ZNF609: variants seen among roughly 807,000 people sequenced by gnomAD.
ZNF609 encodes zinc finger protein 609.
In ZNF609, 11 loss-of-function variants were observed where a neutral mutation model predicts 109.5. The ratio of observed to expected loss-of-function variants is 0.10; its 90% CI spans 0.06 to 0.17. The LOEUF (loss-of-function observed/expected upper bound fraction) is 0.17, where lower values mean the gene tolerates loss of function less well. Ranked by LOEUF, ZNF609 falls within the 10% of genes least tolerant of loss-of-function variation. The pLI, the probability that ZNF609 is intolerant of heterozygous loss-of-function variation, is 1.00. For synonymous variants in ZNF609, 646 were observed against 662.0 expected (o/e 0.98, Z 0.37); for missense variants, 1,559 against 1,772.4 (o/e 0.88, Z 2.16).
intron 2 of ZNF609, chr15:64,528,999 G>C: frequency 6.6e-7 from 1 of 1,508,966 alleles, no homozygotes; most frequent in Non-Finnish European, 9.1e-7. Flanking sequence ...TGAGCTTCCC[G>C]TTCAGCTCAG....
At chr15:64,614,817 T>C (rs1381600995) in intron 2 of ZNF609, among the ~76,000 whole-genome samples, 54 of 140,704 alleles carry the variant, frequency 3.8e-4, no homozygotes, top group African/African-American at 1.4e-3. Flanking sequence ...TCGCTTTTTT[T>C]TTTTTTTTTT....
intron 2 of ZNF609, among the ~76,000 whole-genome samples, chr15:64,508,868 A>AT (rs1893676290): frequency 1.7e-5 from 1 of 58,386 alleles, no homozygotes; most frequent in Non-Finnish European, 6.8e-5. Context: ...CTAATTTTTA[A>AT]ATTTTTTTAG....
chr15:64,547,194 A>T (rs1351730617), intron 2 of ZNF609, among the ~76,000 whole-genome samples: 1 of 152,154 alleles, frequency 6.6e-6, no homozygotes, highest in African/African-American at 2.4e-5. Context: ...GTATGACCTT[A>T]TATCAATGTC....
At chr15:64,535,035 G>A (rs545606490) in intron 2 of ZNF609, among the ~76,000 whole-genome samples, 68 of 149,436 alleles carry the variant, frequency 4.6e-4, no homozygotes, top group East Asian at 2.3e-3. Flanking sequence ...GTGAAACTCC[G>A]TCTCCAAAAA....
At chr15:64,630,098 C>CTTTTTTTTTTT (rs773124227) in intron 3 of ZNF609, among the ~76,000 whole-genome samples, 2 of 136,900 alleles carry the variant, frequency 1.5e-5, no homozygotes, top group African/African-American at 2.7e-5. Flanking sequence ...TTTCTTTTTT[C>CTTTTTTTTTTT]TTTTTTTTTT....
chr15:64,660,507 A>G (rs995214426), intron 3 of ZNF609, among the ~76,000 whole-genome samples: 1 of 152,152 alleles, frequency 6.6e-6, no homozygotes, highest in East Asian at 1.9e-4. Flanking sequence ...TTTTTCTACT[A>G]TAAGAGTTGA....
At chr15:64,583,380 A>C in intron 2 of ZNF609, among the ~76,000 whole-genome samples, 1 of 152,008 alleles carries the variant, frequency 6.6e-6, no homozygotes, top group East Asian at 1.9e-4. Context: ...AAATTTAAAA[A>C]TAAAAATAAA....
chr15:64,610,498 A>C (rs1895699513), intron 2 of ZNF609, among the ~76,000 whole-genome samples: 1 of 152,106 alleles, frequency 6.6e-6, no homozygotes, highest in Non-Finnish European at 1.5e-5. Context: ...CAAAAACAAC[A>C]AATAGCCAAG....
At chr15:64,477,835 G>C (rs977952515) in intron 1 of ZNF609, among the ~76,000 whole-genome samples, 3 of 151,994 alleles carry the variant, frequency 2.0e-5, no homozygotes, top group Admixed American at 6.6e-5. Context: ...TACCATGTTG[G>C]CCAGGCTGGT....
intron 3 of ZNF609, among the ~76,000 whole-genome samples, chr15:64,666,683 T>A (rs1171277991): frequency 1.3e-5 from 2 of 151,884 alleles, no homozygotes; most frequent in Middle Eastern, 3.2e-3. Context: ...AGCTAATTTT[T>A]GTATTTTTAG....
rs1304725927 is a variant in ZNF609, at chr15:64,674,172, C to T, written c.1318C>T (p.Arg440Trp). The T allele has an allele frequency of 1.9e-6, 3 of 1,614,026 alleles. No homozygotes were observed. The highest frequency in any genetic ancestry group is 1.7e-6 in the Non-Finnish European group (2 of 1,180,030). Residue 440 changes from arginine to tryptophan, a missense_variant, in exon 5 of 10, where the codon CGG becomes TGG. Around this residue, in one of 4 missense-constraint regions of ZNF609, gnomAD observed 1,204 missense variants for 1,314.1 expected, o/e 0.92. Transcript: ENST00000326648. ...VKASPSSANK[R>W]KNKPLSDMEL... is the part of the protein sequence containing the mutation. ...GGCCAGCCCTTCCTCAGCTAATAAG[C>T]GGAAAAACAAACCCCTTTCAGACAT... is the stretch of plus-strand genomic sequence containing the variant.
intron 2 of ZNF609, among the ~76,000 whole-genome samples, chr15:64,503,784 C>CAGA (rs983270102): frequency 2.0e-5 from 3 of 152,198 alleles, no homozygotes; most frequent in African/African-American, 7.2e-5. Context: ...CTGCTGCTTT[C>CAGA]AGAATGCTGC....
upstream of ZNF609, among the ~76,000 whole-genome samples, chr15:64,460,351 T>C (rs1251097200): frequency 1.3e-5 from 2 of 152,214 alleles, no homozygotes; most frequent in Non-Finnish European, 2.9e-5. Context: ...TCCAGGTTTC[T>C]TTGAGTTTAT....
At chr15:64,577,855 G>A (rs1050561062) in intron 2 of ZNF609, among the ~76,000 whole-genome samples, 10 of 151,158 alleles carry the variant, frequency 6.6e-5, no homozygotes, top group East Asian at 1.9e-4. Context: ...GCGAAACTCC[G>A]TCTCAAAAAA....
At chr15:64,553,551 T>A (rs1056001919) in intron 2 of ZNF609, among the ~76,000 whole-genome samples, 24 of 151,264 alleles carry the variant, frequency 1.6e-4, no homozygotes, top group South Asian at 6.2e-4. Context: ...AATAATTTTT[T>A]AATTTTAATT....
intron 2 of ZNF609, among the ~76,000 whole-genome samples, chr15:64,582,700 C>CT (rs1895125626): frequency 8.7e-6 from 1 of 114,636 alleles, no homozygotes; most frequent in Non-Finnish European, 1.8e-5. Context: ...TCCATTCACT[C>CT]TTTCTTTCTT....
intron 2 of ZNF609, among the ~76,000 whole-genome samples, chr15:64,600,188 C>T (rs977084279): frequency 4.0e-5 from 6 of 151,474 alleles, no homozygotes; most frequent in Admixed American, 6.6e-5. Flanking sequence ...AGGTGGCTCA[C>T]GCCTATAATC....
intron 2 of ZNF609, among the ~76,000 whole-genome samples, chr15:64,604,298 A>C (rs919256010): frequency 1.3e-5 from 2 of 152,230 alleles, no homozygotes; most frequent in Non-Finnish European, 2.9e-5. Flanking sequence ...TTGCTAAACT[A>C]CTTCCTCTCT....
chr15:64,518,401 A>G (rs563593494), intron 2 of ZNF609, among the ~76,000 whole-genome samples: 4 of 152,242 alleles, frequency 2.6e-5, no homozygotes, highest in Admixed American at 6.5e-5. Flanking sequence ...GAAGAAGTTC[A>G]CTATGACTGG....
Sources: allele counts gnomAD v4.1 joint callset (sites outside exome capture counted in the v4.1 genomes callset), GRCh38; gene constraint gnomAD v4.1.1; regional missense constraint gnomAD v4.1.1; transcripts MANE v1.5; gene names NCBI Gene and HGNC (gene_info 2026-07-23, HGNC 2026-07-21).